PYHIN1: variants seen among roughly 807,000 people sequenced by gnomAD.
PYHIN1 encodes the protein pyrin and HIN domain-containing protein 1.
In PYHIN1, 32 loss-of-function variants were observed where a neutral mutation model predicts 43.7. The observed-to-expected ratio is 0.73, with a 90% CI of 0.55 to 0.98. The LOEUF (loss-of-function observed/expected upper bound fraction) is 0.98, where lower values mean the gene tolerates loss of function less well. Among genes scored for constraint, PYHIN1 ranks in the 50% least tolerant of loss-of-function variants. The probability of loss-of-function intolerance (pLI) is 0.00; values close to 1 mark genes in which losing one functional copy is unlikely to be tolerated. For missense variants in PYHIN1, 588 were observed against 589.5 expected, an observed-to-expected ratio of 1.00 and a Z score of 0.03; for synonymous variants, 205 against 203.1, an observed-to-expected ratio of 1.01 and a Z score of -0.08.
At chr1:158,983,130 A>AT in the PYHIN1 span, among the ~76,000 whole-genome samples, 6,299 of 150,708 alleles carry the variant, frequency 0.042, 346 homozygotes, top group East Asian at 0.26. Context: ...GACGTCTTTT[A>AT]TTTTTTTTTC....
chr1:158,943,514 C>T, intron 5 of PYHIN1, among the ~76,000 whole-genome samples: 1 of 152,060 alleles, frequency 6.6e-6, no homozygotes, highest in East Asian at 1.9e-4. Context: ...CTTTGGGAAG[C>T]ATAGCAGTCT....
chr1:158,958,514 C>A (rs1248226812), intron 7 of PYHIN1, among the ~76,000 whole-genome samples: 2 of 145,866 alleles, frequency 1.4e-5, no homozygotes, highest in East Asian at 2.0e-4. Flanking sequence ...GAACAAAAAA[C>A]CAAACACTGC....
At chr1:158,968,420 C>CTGTT (rs375955319) in intron 7 of PYHIN1, among the ~76,000 whole-genome samples, 34 of 152,170 alleles carry the variant, frequency 2.2e-4, no homozygotes, top group African/African-American at 7.5e-4. Flanking sequence ...ATCAGAATGA[C>CTGTT]TGTTATTAAA....
rs1571710514 is a variant in PYHIN1 at position 158,933,262 on chromosome 1, A to C, written c.-21+1486A>C. Among the ~76,000 whole-genome samples, 1 of 151,590 alleles carries C rather than the reference A, an allele frequency of 6.6e-6. No homozygotes were observed. The highest frequency in any genetic ancestry group is 3.5e-3 in the Middle Eastern group (1 of 288). ...TATATATATTTGTGGCACCGTGTACATATGTGTGTATATGAAGATAAATAT... is the reference window on the plus strand; with the variant it reads ...TATATATATTTGTGGCACCGTGTACCTATGTGTGTATATGAAGATAAATAT... On this transcript the variant is annotated intron_variant, in intron 1 of 8. Coordinates refer to ENST00000368140, the MANE Select transcript of PYHIN1 (RefSeq NM_152501.5). The surrounding 1 kb of genome is among the most constrained non-coding windows in gnomAD (Gnocchi z 6.3).
At chr1:158,936,302 C>T (rs1164730545) in intron 1 of PYHIN1, among the ~76,000 whole-genome samples, 1 of 145,250 alleles carries the variant, frequency 6.9e-6, no homozygotes, top group Non-Finnish European at 1.5e-5. Context: ...TGAGTAAGAA[C>T]ATGCGGTGTT....
chr1:158,963,397 C>T (rs1274535217), intron 7 of PYHIN1, among the ~76,000 whole-genome samples: 1 of 152,154 alleles, frequency 6.6e-6, no homozygotes, highest in Non-Finnish European at 1.5e-5. Context: ...CACCAAGAGT[C>T]AAGTGAAAGG....
chr1:158,960,548 A>G (rs575562495), intron 7 of PYHIN1, among the ~76,000 whole-genome samples: 6 of 152,338 alleles, frequency 3.9e-5, no homozygotes, highest in African/African-American at 1.4e-4. Context: ...TACCACCCGA[A>G]AAAAAGAGTA....
chr1:158,942,360 T>C lies in PYHIN1; in HGVS notation c.963T>C (p.Thr321=), dbSNP rs2101658656. ...AGATCAATATTCTTCACAAACAAAC[T>C]TCAGGATATATTGTATATGGATTAT... The part of the protein sequence containing the change: ...IPKINILHKQ[T]SGYIVYGLFM... The change falls in exon 5 of 9, where the codon ACT becomes ACC. Residue 321 remains threonine, a synonymous_variant. Transcript: ENST00000368140. 6.2e-7 allele frequency: 1 copy of C among 1,611,152 alleles called. No individual in the cohort carries two copies. Among genetic ancestry groups the C allele is most frequent in the Non-Finnish European group, 8.5e-7 (1 of 1,179,100 alleles).
chr1:158,942,872 T>G (rs918310364), intron 5 of PYHIN1, among the ~76,000 whole-genome samples: 15 of 152,202 alleles, frequency 9.9e-5, no homozygotes, highest in African/African-American at 3.6e-4. Context: ...GGAAATCAAT[T>G]GCAGTAAACA....
At chr1:158,968,417 T>C (rs1358439145) in intron 7 of PYHIN1, among the ~76,000 whole-genome samples, 2 of 152,066 alleles carry the variant, frequency 1.3e-5, no homozygotes, top group Admixed American at 1.3e-4. Flanking sequence ...CCAATCAGAA[T>C]GACTGTTATT....
chr1:158,975,019 G>A (rs915046758), intron 8 of PYHIN1, among the ~76,000 whole-genome samples: 8 of 151,954 alleles, frequency 5.3e-5, no homozygotes, highest in Non-Finnish European at 1.0e-4. Context: ...TTCTATAGCC[G>A]TTAGATTTAT....
chr1:158,989,693 A>G, the PYHIN1 span, among the ~76,000 whole-genome samples: 1 of 152,142 alleles, frequency 6.6e-6, no homozygotes, highest in East Asian at 1.9e-4. Flanking sequence ...GAATAAGTCA[A>G]CCCTGCTGAC....
At chr1:158,974,406 T>A (rs1651128475) in intron 8 of PYHIN1, among the ~76,000 whole-genome samples, 1 of 152,196 alleles carries the variant, frequency 6.6e-6, no homozygotes, top group African/African-American at 2.4e-5. Context: ...CACTTGATAA[T>A]AAGTACAGTT....
chr1:158,938,385 T>A lies in PYHIN1; in HGVS notation c.266-12T>A, dbSNP rs778371600. ...GCTCTGGGTTTATACATCTTCCTTT[T>A]TTCTGCATTAGTTGCAAATAAAATT... is the stretch of plus-strand genomic sequence containing the variant. On this transcript the variant is annotated splice_polypyrimidine_tract_variant and intron_variant, in intron 2 of 8. Transcript: ENST00000368140. 5 of 1,613,982 alleles carry A rather than the reference T, an allele frequency of 3.1e-6. No individual in the cohort carries two copies. The highest frequency in any genetic ancestry group is 3.3e-5 in the Admixed American group (2 of 60,006).
In PYHIN1 at chr1:158,933,114, G is replaced by A. The variant is rs900344141; in HGVS notation, c.-21+1338G>A. On this transcript the variant is annotated intron_variant, in intron 1 of 8. Transcript: ENST00000368140. This position sits in a 1 kb window ranked among gnomAD's most constrained non-coding sequence, Gnocchi z 6.3. ...TCCTATTATAAGACGGTATTTTCTT[G>A]TACTCCTCTCAAATTCATATATATA... Among the ~76,000 whole-genome samples, 5 of 151,464 alleles carry A rather than the reference G, an allele frequency of 3.3e-5. No homozygotes were observed. In the South Asian group the frequency reaches 8.3e-4, roughly 25 times the overall value.
chr1:158,937,619 C>T (rs899716781), intron 2 of PYHIN1, among the ~76,000 whole-genome samples: 1 of 152,064 alleles, frequency 6.6e-6, no homozygotes, highest in South Asian at 2.1e-4. Flanking sequence ...GTGTGAAGAC[C>T]TCCCCTCTTG....
At chr1:158,935,418 T>C (rs188539834) in intron 1 of PYHIN1, among the ~76,000 whole-genome samples, 3 of 152,120 alleles carry the variant, frequency 2.0e-5, no homozygotes, top group Non-Finnish European at 1.5e-5. Context: ...AAAATGTGGT[T>C]TATAGAGAGA....
chr1:158,988,830 A>C, the PYHIN1 span, among the ~76,000 whole-genome samples: 1 of 152,258 alleles, frequency 6.6e-6, no homozygotes, highest in African/African-American at 2.4e-5. Flanking sequence ...TGCTTATTCT[A>C]TTCACATTGC....
intron 7 of PYHIN1, among the ~76,000 whole-genome samples, chr1:158,970,996 G>A (rs1650902203): frequency 6.6e-6 from 1 of 152,020 alleles, no homozygotes; most frequent in Admixed American, 6.6e-5. Context: ...AGTTTTTGTA[G>A]TTGAGGGAGT....
Sources: gnomAD v4.1 joint callset for allele counts (sites outside exome capture counted in the v4.1 genomes callset) on GRCh38, gnomAD v4.1.1 for gene constraint, Gnocchi (gnomAD v3.1) non-coding constraint, MANE v1.5 for transcripts, NCBI Gene and HGNC (gene_info 2026-07-23, HGNC 2026-07-21) for gene names.